ASPH: variants seen among roughly 807,000 people sequenced by gnomAD.
ASPH encodes the protein aspartate beta-hydroxylase.
A neutral mutation model predicts 118.4 loss-of-function variants in ASPH; 100 were observed. The ratio of observed to expected loss-of-function variants is 0.84; its 90% confidence interval spans 0.72 to 1.00. The LOEUF is 1.00. Ranked by LOEUF, ASPH falls within the 50% of genes least tolerant of loss-of-function variation. The pLI is 0.00. For missense variants in ASPH, 920 were observed against 919.5 expected (o/e 1.00, Z -0.01); for synonymous variants, 315 against 325.6 (o/e 0.97, Z 0.35).
intron 16 of ASPH, among the ~76,000 whole-genome samples, chr8:61,571,158 A>C (rs181157554): frequency 2.0e-5 from 3 of 152,326 alleles, no homozygotes; most frequent in Admixed American, 2.0e-4. Flanking sequence ...AGTTTCCTTT[A>C]AATTACTCTA....
intron 13 of ASPH, among the ~76,000 whole-genome samples, chr8:61,622,973 A>G (rs1176562198): frequency 2.6e-5 from 4 of 152,146 alleles, no homozygotes; most frequent in African/African-American, 9.7e-5. Context: ...CTTCTTCCTT[A>G]TTTAGTTCTC....
chr8:61,584,179 T>A (rs1169475426), intron 14 of ASPH, 150 bp from the exon 15 acceptor site: 1 of 564,594 alleles, frequency 1.8e-6, no homozygotes, highest in African/African-American at 1.9e-5. Flanking sequence ...TTCCATTTCC[T>A]CCCCTAGATG....
At chr8:61,627,325 T>G (rs953991313) in intron 13 of ASPH, among the ~76,000 whole-genome samples, 2 of 152,148 alleles carry the variant, frequency 1.3e-5, no homozygotes, top group African/African-American at 2.4e-5. Context: ...CAGAAACAAG[T>G]TGCAAAAACA....
chr8:61,578,262 T>C, intron 15 of ASPH: 1 of 1,585,232 alleles, frequency 6.3e-7, no homozygotes. Flanking sequence ...GGTGTCCACC[T>C]CTGGCCCCCG....
At chr8:61,521,914 A>G (rs7840370) in intron 22 of ASPH, among the ~76,000 whole-genome samples, 81,143 of 152,078 alleles carry the variant, frequency 0.53, 25,782 homozygotes, top group Non-Finnish European at 0.7. Context: ...TTGCATGACA[A>G]TTCTGATCAG....
At chr8:61,651,194 A>G (rs1408165715) in intron 4 of ASPH, 70 bp from the exon 5 acceptor site, 46 of 1,285,044 alleles carry the variant, frequency 3.6e-5, no homozygotes, top group Non-Finnish European at 4.7e-5. Context: ...ACACTCAAAT[A>G]TGACATTGGT....
At chr8:61,660,007 C>A (rs1815937653) in intron 3 of ASPH, 1 of 151,342 alleles carries the variant, frequency 6.6e-6, no homozygotes, top group Non-Finnish European at 1.5e-5. Flanking sequence ...ATAACTTCAA[C>A]TTCTATTTAG....
chr8:61,692,959 A>G (rs1563628319), intron 1 of ASPH, among the ~76,000 whole-genome samples: 13 of 146,726 alleles, frequency 8.9e-5, no homozygotes. Context: ...AAAAAAAAAA[A>G]GAAAAAAAGA....
intron 3 of ASPH, among the ~76,000 whole-genome samples, chr8:61,668,739 T>C (rs887010067): frequency 4.6e-5 from 7 of 152,172 alleles, no homozygotes; most frequent in African/African-American, 1.7e-4. Context: ...TCACTGCTCT[T>C]CCACCAGTTC....
intron 3 of ASPH, chr8:61,658,193 T>C (rs955962085): frequency 1.1e-4 from 16 of 152,178 alleles, no homozygotes; most frequent in African/African-American, 3.9e-4. Flanking sequence ...TTCCTCAGTA[T>C]ACCAACAGCA....
chr8:61,527,355 A>T (rs1386164005), intron 21 of ASPH, among the ~76,000 whole-genome samples: 3 of 152,342 alleles, frequency 2.0e-5, no homozygotes, highest in South Asian at 2.1e-4. Context: ...TCATGATTCC[A>T]CATAAGAAGG....
chr8:61,620,403 T>G (rs1204406127), intron 13 of ASPH, among the ~76,000 whole-genome samples: 1 of 82,878 alleles, frequency 1.2e-5, no homozygotes, highest in Non-Finnish European at 2.5e-5. Flanking sequence ...GTGCCAGTCT[T>G]GACTTTTGCA....
chr8:61,560,813 G>C (rs1348908079), intron 18 of ASPH, among the ~76,000 whole-genome samples: 1 of 151,986 alleles, frequency 6.6e-6, no homozygotes, highest in East Asian at 1.9e-4. Context: ...AAAAAGGTGA[G>C]GAAGGACAAA....
In ASPH at chr8:61,628,296, A is replaced by G. The variant is rs760083721; in HGVS notation, c.934+5387T>C. The stretch of plus-strand genomic sequence containing the variant: ...CACCTCAGCCTTCTGAGTAGCTAGG[A>G]CTACAGGCACGTGACACCAAGCCCG... On this transcript the variant is annotated intron_variant, in intron 13 of 24. Coordinates refer to ENST00000379454, the MANE Select transcript of ASPH (RefSeq NM_004318.4). 3 of 340,150 alleles carry G rather than the reference A, an allele frequency of 8.8e-6. No individual in the cohort carries two copies. The East Asian group carries it at 2.7e-4, about 30-fold the overall frequency. The allele number at this position is 340,150 out of a possible 1,614,324, so 21.1% of individuals were successfully genotyped here. A position where few individuals can be genotyped will look rare whatever the true frequency, so the allele number is the denominator to read the frequency against.
chr8:61,670,136 GAAGAA>G (rs1436175386), intron 3 of ASPH, among the ~76,000 whole-genome samples: 2 of 151,444 alleles, frequency 1.3e-5, no homozygotes, highest in Non-Finnish European at 2.9e-5. Flanking sequence ...TTCAGTTTCT[GAAGAA>G]AAGTATATAG....
chr8:61,663,074 G>GT lies in ASPH; in HGVS notation c.323-9415dup, dbSNP rs1817738569. The GT allele has an allele frequency of 3.0e-6, 3 of 985,198 alleles. No homozygotes were observed. The African/African-American group carries it at 5.2e-5, about 17-fold the overall frequency. The allele number at this position is 985,198 out of a possible 1,614,324, so 61.0% of individuals were successfully genotyped here. ...ACAGCACTTAAAATTTTGTACATAA[G>GT]TTTTAAAAAAACATTCCATTTATCT... On this transcript the variant is annotated intron_variant, in intron 3 of 24. Coordinates refer to ENST00000379454, the MANE Select transcript of ASPH (RefSeq NM_004318.4).
At chr8:61,612,817 T>A (rs1240530636) in intron 14 of ASPH, among the ~76,000 whole-genome samples, 2 of 152,204 alleles carry the variant, frequency 1.3e-5, no homozygotes, top group Non-Finnish European at 2.9e-5. Flanking sequence ...CTCATAAGAT[T>A]GATGGGTAAG....
intron 18 of ASPH, among the ~76,000 whole-genome samples, chr8:61,561,132 G>A (rs62506120): frequency 0.84 from 68,276 of 81,750 alleles, 28,947 homozygotes; most frequent in Middle Eastern, 0.9. Flanking sequence ...GGGAGGGAGG[G>A]AGGGAGGAAG....
intron 3 of ASPH, among the ~76,000 whole-genome samples, chr8:61,670,757 T>C (rs780884114): frequency 6.6e-6 from 1 of 150,376 alleles, no homozygotes; most frequent in Non-Finnish European, 1.5e-5. Context: ...GGATGCAGTG[T>C]CTGAAAAAAA....
Sources: allele counts gnomAD v4.1 joint callset (sites outside exome capture counted in the v4.1 genomes callset), GRCh38; gene constraint gnomAD v4.1.1; transcripts MANE v1.5; gene names NCBI Gene and HGNC (gene_info 2026-07-23, HGNC 2026-07-21).